Variants in SPNS2 observed in about 807,000 individuals in gnomAD.
SPNS2 encodes the protein sphingosine-1-phosphate transporter SPNS2.
In SPNS2, 37 loss-of-function variants were observed where a neutral mutation model predicts 57.6. That is an observed-to-expected ratio of 0.64 (90% confidence interval 0.49 to 0.85). SPNS2 has a LOEUF of 0.85. SPNS2 is among the 40% of genes least tolerant of loss of function. SPNS2 has a pLI of 0.00. For missense variants in SPNS2, 831 were observed against 779.1 expected (o/e 1.07, Z -0.79); for synonymous variants, 440 against 346.9 (o/e 1.27, Z -2.98).
chr17:4,506,738 T>C (rs1173859849), intron 1 of SPNS2, among the ~76,000 whole-genome samples: 1 of 152,148 alleles, frequency 6.6e-6, no homozygotes, highest in African/African-American at 2.4e-5. Context: ...GGCTCTGGGC[T>C]GGGGGCCTCA....
chr17:4,514,897 T>G (rs769249887), intron 2 of SPNS2, among the ~76,000 whole-genome samples: 2 of 152,198 alleles, frequency 1.3e-5, no homozygotes, highest in Non-Finnish European at 2.9e-5. Flanking sequence ...ACCCCCGCCC[T>G]GTGTGGCCCC....
In SPNS2 at chr17:4,531,337, C is replaced by A. The variant is rs139667349; in HGVS notation, c.792+218C>A. 9.1e-3 allele frequency among the ~76,000 whole-genome samples: 1,387 copies of A among 152,214 alleles called. 14 individuals are homozygous for A. Among genetic ancestry groups the A allele is most frequent in the Non-Finnish European group, 0.015 (1,000 of 68,022 alleles). The stretch of plus-strand genomic sequence containing the variant: ...GTCAGAGCCAGACACAGCCCCGCCG[C>A]CCTCGGGGCCCCCAGGCTGAGGGTT... On this transcript the variant is annotated intron_variant, in intron 5 of 12. Coordinates refer to ENST00000329078, the MANE Select transcript of SPNS2 (RefSeq NM_001124758.3).
intron 3 of SPNS2, among the ~76,000 whole-genome samples, chr17:4,528,890 C>T (rs1425825138): frequency 1.3e-5 from 2 of 152,088 alleles, no homozygotes; most frequent in African/African-American, 4.8e-5. Context: ...CCTCCTGTCT[C>T]AGTCTCCTAA....
chr17:4,532,068 C>T lies in SPNS2; in HGVS notation c.793-474C>T, dbSNP rs151170854. On this transcript the variant is annotated intron_variant, in intron 5 of 12. Transcript: ENST00000329078. ...TTTCTCCTCCCTCAAAGTCATCATC[C>T]CATCTGGCTATCTACTTATTTTCCA... Among the ~76,000 whole-genome samples, 757 of 152,290 alleles carry T rather than the reference C, an allele frequency of 5.0e-3. 8 individuals are homozygous for T. Among genetic ancestry groups the T allele is most frequent in the African/African-American group, 0.017 (712 of 41,558 alleles).
intron 9 of SPNS2, among the ~76,000 whole-genome samples, chr17:4,535,115 G>C (rs559607173): frequency 1.3e-5 from 2 of 152,114 alleles, no homozygotes; most frequent in African/African-American, 4.8e-5. Flanking sequence ...GCTGGAGCTC[G>C]GGGAACAGGG....
At position 4,530,570 on chromosome 17, in the gene SPNS2, C is replaced by G. The variant is rs1245556263; in HGVS notation, c.574-62C>G. On this transcript the variant is annotated intron_variant, in intron 3 of 12. Coordinates refer to ENST00000329078, the MANE Select transcript of SPNS2 (RefSeq NM_001124758.3). ...GCAGGGGGAGGGAGCAAAGTGGGAA[C>G]AAGGGATGACAGGCAGACGGTGGGT... 1.9e-6 allele frequency: 3 copies of G among 1,563,014 alleles called. No individual in the cohort carries two copies. The African/African-American group carries it at 4.1e-5, about 21-fold the overall frequency.
At chr17:4,516,316 CAAAAAAAAAAAA>C (rs67710825) in intron 2 of SPNS2, among the ~76,000 whole-genome samples, 4 of 67,508 alleles carry the variant, frequency 5.9e-5, no homozygotes, top group Non-Finnish European at 1.0e-4. Flanking sequence ...TCTATCTCCC[CAAAAAAAAAAAA>C]AAAAAAAAAA....
Position 4,498,998 on chromosome 17 carries a change from G to A in SPNS2, c.-50G>A. On this transcript the variant is annotated 5_prime_UTR_variant, in exon 1 of 13. Transcript: ENST00000329078. ...CGCACGCACGCGCTGAGCGGGCCCA[G>A]CCTGGGCCCCGCGCCCCCCGCGCCC... is the stretch of plus-strand genomic sequence containing the variant. The A allele has an allele frequency of 1.0e-6, 1 of 980,146 alleles. No homozygotes were observed. Among genetic ancestry groups the A allele is most frequent in the Non-Finnish European group, 1.2e-6 (1 of 824,918 alleles). The allele number at this position is 980,146 out of a possible 1,614,324, so 60.7% of individuals were successfully genotyped here.
Position 4,538,626 on chromosome 17 carries a change from C to T in SPNS2, c.*1178C>T, listed in dbSNP as rs543890834. On this transcript the variant is annotated 3_prime_UTR_variant, in exon 13 of 13. Coordinates refer to ENST00000329078, the MANE Select transcript of SPNS2 (RefSeq NM_001124758.3). Reference sequence around the variant, plus strand: ...TGCTGCAATCAAGGTGGTTCTGGTGCGGGGGTGGGGTGGGGGGTGAGGCCT... The same window carrying T: ...TGCTGCAATCAAGGTGGTTCTGGTGTGGGGGTGGGGTGGGGGGTGAGGCCT... 3.7e-3 allele frequency: 1,739 copies of T among 473,484 alleles called. 23 individuals carry two copies. Among genetic ancestry groups the T allele is most frequent in the African/African-American group, 0.027 (1,355 of 50,226 alleles). 29.3% of individuals were successfully genotyped at this position (473,484 alleles called of 1,614,324 possible).
intron 2 of SPNS2, among the ~76,000 whole-genome samples, chr17:4,518,246 C>T (rs1329176139): frequency 2.6e-5 from 4 of 152,138 alleles, no homozygotes; most frequent in African/African-American, 7.2e-5. Context: ...TGTCTCGGGC[C>T]GGGCGCGGTG....
At position 4,530,712 on chromosome 17, in the gene SPNS2, T is replaced by G. The variant is rs780002333; in HGVS notation, c.654T>G (p.Ile218Met). Residue 218 changes from isoleucine to methionine, a missense_variant, in exon 4 of 13, where the codon ATT (isoleucine) becomes ATG (methionine). Physicochemically the swap from Ile to Met is conservative, Grantham distance 10. Around this residue, in one of 2 missense-constraint regions of SPNS2, gnomAD observed 305 missense variants for 378.3 expected, o/e 0.81. Coordinates refer to ENST00000329078, the MANE Select transcript of SPNS2 (RefSeq NM_001124758.3). ...ACTCCACCATCGCCCCCACTATCAT[T>G]GGCGACCTCTTCACCAAGAACACGC... ...ASYSTIAPTI[I>M]GDLFTKNTRT... is the part of the protein sequence containing the mutation. The G allele has an allele frequency of 6.2e-7, 1 of 1,614,066 alleles. No individual in the cohort carries two copies. Among genetic ancestry groups the G allele is most frequent in the Non-Finnish European group, 8.5e-7 (1 of 1,179,972 alleles).
At position 4,533,004 on chromosome 17, in the gene SPNS2, C is replaced by T. The variant is rs771580022; in HGVS notation, c.963C>T (p.Ala321=). Residue 321 remains alanine, a synonymous_variant, in exon 7 of 13, where the codon GCC becomes GCT. Coordinates refer to ENST00000329078, the MANE Select transcript of SPNS2 (RefSeq NM_001124758.3). Reference sequence around the variant, plus strand: ...GCAGCTACGTCTTCTCCTCCCTGGCCACGTCGGCTGTCTCCTTCGCCACGG... The same window carrying T: ...GCAGCTACGTCTTCTCCTCCCTGGCTACGTCGGCTGTCTCCTTCGCCACGG... ...RNRSYVFSSL[A]TSAVSFATGA... 3 of 1,613,132 alleles carry T rather than the reference C, an allele frequency of 1.9e-6. No homozygotes were observed. Among genetic ancestry groups the T allele is most frequent in the Non-Finnish European group, 2.5e-6 (3 of 1,179,840 alleles).
intron 1 of SPNS2, among the ~76,000 whole-genome samples, chr17:4,507,136 G>A (rs561706070): frequency 8.2e-4 from 125 of 152,334 alleles, no homozygotes; most frequent in Middle Eastern, 3.4e-3. Context: ...CAGGTCAGCA[G>A]AGCCAGGCTC....
At position 4,499,529 on chromosome 17, in the gene SPNS2, C is replaced by T. The variant is rs996608562; in HGVS notation, c.370+112C>T. 1 of 643,902 alleles carries T rather than the reference C, an allele frequency of 1.6e-6. No individual in the cohort carries two copies. 39.9% of individuals were successfully genotyped at this position (643,902 alleles called of 1,614,324 possible). A position where few individuals can be genotyped will look rare whatever the true frequency, so the allele number is the denominator to read the frequency against. On this transcript the variant is annotated intron_variant, in intron 1 of 12. Coordinates refer to ENST00000329078, the MANE Select transcript of SPNS2 (RefSeq NM_001124758.3). This position sits in a 1 kb window ranked among gnomAD's most constrained non-coding sequence, Gnocchi z 5.2. ...GGTCTCAGGCCTGCTATCTCCAGGCCCTACGTGAGGTCCCTACGGACCCTC... is the reference window on the plus strand; with the variant it reads ...GGTCTCAGGCCTGCTATCTCCAGGCTCTACGTGAGGTCCCTACGGACCCTC...
Position 4,530,697 on chromosome 17 carries a change from C to G in SPNS2, c.639C>G (p.Ile213Met). The G allele has an allele frequency of 2.5e-6, 4 of 1,614,008 alleles. No individual in the cohort carries two copies. Among genetic ancestry groups the G allele is most frequent in the Non-Finnish European group, 3.4e-6 (4 of 1,179,954 alleles). Residue 213 changes from isoleucine (I) to methionine (M), a missense_variant, in exon 4 of 13, where the codon ATC becomes ATG. Coordinates refer to ENST00000329078, the MANE Select transcript of SPNS2 (RefSeq NM_001124758.3). Reference protein sequence around the residue: ...VGIGEASYSTIAPTIIGDLFT... With the variant: ...VGIGEASYSTMAPTIIGDLFT... ...TCGGGGAGGCCAGCTACTCCACCAT[C>G]GCCCCCACTATCATTGGCGACCTCT...
chr17:4,532,406 A>G (rs1905527382), intron 5 of SPNS2, 136 bp from the exon 6 acceptor site: 2 of 1,310,952 alleles, frequency 1.5e-6, no homozygotes, highest in Non-Finnish European at 1.1e-6. Flanking sequence ...CAGCCCAATT[A>G]GGAAGGCTGG....
intron 2 of SPNS2, among the ~76,000 whole-genome samples, chr17:4,520,280 T>C (rs965661346): frequency 3.9e-5 from 6 of 152,176 alleles, no homozygotes; most frequent in African/African-American, 1.2e-4. Flanking sequence ...CCTGCAGTCC[T>C]GGGGACTTCT....
At position 4,510,248 on chromosome 17, in the gene SPNS2, C is replaced by A. The variant is rs78556306; in HGVS notation, c.371-2999C>A. On this transcript the variant is annotated intron_variant, in intron 1 of 12. Coordinates refer to ENST00000329078, the MANE Select transcript of SPNS2 (RefSeq NM_001124758.3). This position sits in a 1 kb window ranked among gnomAD's most constrained non-coding sequence, Gnocchi z 4.4. ...CCCTGGGAAGGTTCTCTCTGGTCTT[C>A]TTCCTGGAGCTTGGACTTGGACCCA... is the stretch of plus-strand genomic sequence containing the variant. Among the ~76,000 whole-genome samples, 3,718 of 152,296 alleles carry A rather than the reference C, an allele frequency of 0.024. 140 individuals carry two copies. Among genetic ancestry groups the A allele is most frequent in the African/African-American group, 0.085 (3,516 of 41,552 alleles).
In SPNS2 at chr17:4,499,223, C is replaced by T; in HGVS notation, c.176C>T (p.Thr59Met). 1 of 1,450,238 alleles carries T rather than the reference C, an allele frequency of 6.9e-7. No homozygotes were observed. Among genetic ancestry groups the T allele is most frequent in the Non-Finnish European group, 9.0e-7 (1 of 1,107,434 alleles). 89.8% of individuals were successfully genotyped at this position (1,450,238 alleles called of 1,614,324 possible). A position where few individuals can be genotyped will look rare whatever the true frequency, so the allele number is the denominator to read the frequency against. ...TCGGCCGCGGGCGATGAGGTGCAGA[C>T]GCTGTCGGGCAGCGTAAGGCGGGCC... ...GVSAAGDEVQTLSGSVRRAPT... is the reference protein window; with the variant it reads ...GVSAAGDEVQMLSGSVRRAPT... The change falls in exon 1 of 13, where the codon ACG (threonine) becomes ATG (methionine). Residue 59 changes from threonine to methionine, a missense_variant. Coordinates refer to ENST00000329078, the MANE Select transcript of SPNS2 (RefSeq NM_001124758.3). The surrounding 1 kb of genome is among the most constrained non-coding windows in gnomAD (Gnocchi z 5.2).
Sources: allele counts gnomAD v4.1 joint callset (sites outside exome capture counted in the v4.1 genomes callset), GRCh38; gene constraint gnomAD v4.1.1; regional missense constraint gnomAD v4.1.1; non-coding constraint Gnocchi (gnomAD v3.1); transcripts MANE v1.5; gene names NCBI Gene and HGNC (gene_info 2026-07-23, HGNC 2026-07-21).